The following ZNF385B variants were observed in gnomAD, a reference collection of about 807,000 sequenced individuals.
The protein encoded by ZNF385B is zinc finger protein 533.
In ZNF385B, 23 loss-of-function variants were observed where a neutral mutation model predicts 39.2. That is an observed-to-expected ratio of 0.59 (90% CI 0.42 to 0.83). The LOEUF (loss-of-function observed/expected upper bound fraction) is 0.83. Ranked by LOEUF, ZNF385B falls within the 40% of genes least tolerant of loss-of-function variation. The pLI, the probability that ZNF385B is intolerant of heterozygous loss-of-function variation, is 0.00. For missense variants in ZNF385B, 552 were observed against 598.9 expected (o/e 0.92, Z 0.82); for synonymous variants, 205 against 222.6 (o/e 0.92, Z 0.70).
chr2:179,521,353 G>GTTTTTTTTTTTTTT (rs56392185), intron 4 of ZNF385B, among the ~76,000 whole-genome samples: 1,747 of 107,878 alleles, frequency 0.016, 8 homozygotes, highest in Non-Finnish European at 0.02. Flanking sequence ...CACCTGGCCA[G>GTTTTTTTTTTTTTT]TTTTTTTTTT....
chr2:179,650,999 C>T (rs1693146806), intron 3 of ZNF385B, among the ~76,000 whole-genome samples: 1 of 152,082 alleles, frequency 6.6e-6, no homozygotes, highest in African/African-American at 2.4e-5. Context: ...GGAAACAATG[C>T]CTTTTGAGTC....
intron 3 of ZNF385B, among the ~76,000 whole-genome samples, chr2:179,574,929 A>G (rs1685639882): frequency 6.6e-6 from 1 of 152,076 alleles, no homozygotes; most frequent in Non-Finnish European, 1.5e-5. Flanking sequence ...GCCCTCCTCC[A>G]GTCTCTCTAA....
chr2:179,469,899 G>A (rs1052619795), intron 6 of ZNF385B, among the ~76,000 whole-genome samples: 6 of 152,174 alleles, frequency 3.9e-5, no homozygotes, highest in Non-Finnish European at 5.9e-5. Flanking sequence ...TCAGCTGTGG[G>A]TGACTGGATT....
In ZNF385B at chr2:179,592,786, T is replaced by C. The variant is rs76377862; in HGVS notation, c.299-47817A>G. ...GAAGGCCGTATGTCTAAACTGCTCA[T>C]GGAAGGTTTTTGGCAACTCTAATCC... On this transcript the variant is annotated intron_variant, in intron 3 of 9. Transcript: ENST00000410066. Among the ~76,000 whole-genome samples the C allele has an allele frequency of 8.4e-3, 1,282 of 152,266 alleles. 19 individuals are homozygous for C. Among genetic ancestry groups the C allele is most frequent in the African/African-American group, 0.03 (1,233 of 41,558 alleles).
chr2:179,852,284 C>T (rs992700130), intron 1 of ZNF385B, among the ~76,000 whole-genome samples: 4 of 152,192 alleles, frequency 2.6e-5, no homozygotes, highest in Admixed American at 6.5e-5. Flanking sequence ...AAAAAGCAGC[C>T]TGCAGACTTG....
intron 3 of ZNF385B, among the ~76,000 whole-genome samples, chr2:179,666,325 T>C (rs920304206): frequency 2.6e-4 from 39 of 152,214 alleles, no homozygotes; most frequent in African/African-American, 9.4e-4. Context: ...GAGAGGCATA[T>C]GGCAATAGCT....
At chr2:179,690,693 A>C (rs957032601) in intron 3 of ZNF385B, among the ~76,000 whole-genome samples, 2 of 152,194 alleles carry the variant, frequency 1.3e-5, no homozygotes, top group African/African-American at 2.4e-5. Flanking sequence ...TTACTATGTC[A>C]AGTCACTTCA....
At chr2:179,857,765 T>G (rs1484400107) in intron 1 of ZNF385B, among the ~76,000 whole-genome samples, 2 of 152,198 alleles carry the variant, frequency 1.3e-5, no homozygotes, top group African/African-American at 2.4e-5. Context: ...AAATGTATCA[T>G]GGAGCCAATA....
chr2:179,590,193 A>G (rs1318069254), intron 3 of ZNF385B, among the ~76,000 whole-genome samples: 1 of 152,208 alleles, frequency 6.6e-6, no homozygotes, highest in African/African-American at 2.4e-5. Flanking sequence ...AAGAGAGGGC[A>G]CATACCCTGG....
intron 1 of ZNF385B, among the ~76,000 whole-genome samples, chr2:179,842,868 C>T (rs1465386995): frequency 6.6e-6 from 1 of 152,160 alleles, no homozygotes; most frequent in African/African-American, 2.4e-5. Context: ...GGGAAACATG[C>T]TTGGATTTGC....
At chr2:179,814,483 C>A in intron 1 of ZNF385B, 1 of 561,494 alleles carries the variant, frequency 1.8e-6, no homozygotes, top group Non-Finnish European at 3.3e-6. Flanking sequence ...TTATATGATC[C>A]ATGCACTATC....
intron 3 of ZNF385B, chr2:179,562,676 C>T: frequency 1.2e-6 from 1 of 805,546 alleles, no homozygotes; most frequent in South Asian, 5.7e-5. Context: ...AAAAGACTGA[C>T]AAGTGGCTTT....
At chr2:179,780,981 G>GTC in intron 1 of ZNF385B, among the ~76,000 whole-genome samples, 2 of 152,242 alleles carry the variant, frequency 1.3e-5, no homozygotes, top group South Asian at 4.1e-4. Flanking sequence ...ATTAAACTGG[G>GTC]ACTGCCCCAG....
intron 1 of ZNF385B, among the ~76,000 whole-genome samples, chr2:179,857,329 A>C (rs1334120816): frequency 6.6e-6 from 1 of 152,216 alleles, no homozygotes; most frequent in African/African-American, 2.4e-5. Flanking sequence ...CAGTGCCCTT[A>C]GGGGAGAATG....
At chr2:179,746,657 C>T (rs571566966) in intron 3 of ZNF385B, among the ~76,000 whole-genome samples, 1 of 152,200 alleles carries the variant, frequency 6.6e-6, no homozygotes, top group African/African-American at 2.4e-5. Context: ...TTTAAAAAAT[C>T]TATAGTTCAT....
At chr2:179,697,875 G>A (rs1184038647) in intron 3 of ZNF385B, among the ~76,000 whole-genome samples, 1 of 152,200 alleles carries the variant, frequency 6.6e-6, no homozygotes, top group Non-Finnish European at 1.5e-5. Context: ...AAAAGGATGA[G>A]TTCATGTCCT....
In ZNF385B at chr2:179,593,540, T is replaced by C. The variant is rs141270508; in HGVS notation, c.299-48571A>G. 1.8e-3 allele frequency among the ~76,000 whole-genome samples: 277 copies of C among 152,272 alleles called. 1 individual carries two copies. The highest frequency in any genetic ancestry group is 6.3e-3 in the African/African-American group (262 of 41,568). On this transcript the variant is annotated intron_variant, in intron 3 of 9. Coordinates refer to ENST00000410066, the MANE Select transcript of ZNF385B (RefSeq NM_152520.6). ...TGCTGAGTAGTTCAATTTTCATGCG[T>C]AGAACAATTACTTAAATGCTTTAAA...
intron 1 of ZNF385B, among the ~76,000 whole-genome samples, chr2:179,780,679 C>T (rs1425413805): frequency 1.3e-5 from 2 of 152,172 alleles, no homozygotes; most frequent in Non-Finnish European, 2.9e-5. Context: ...TTATTCCAAA[C>T]ATCACAATAG....
intron 3 of ZNF385B, among the ~76,000 whole-genome samples, chr2:179,705,411 A>G (rs1219409276): frequency 6.6e-6 from 1 of 152,160 alleles, no homozygotes; most frequent in African/African-American, 2.4e-5. Flanking sequence ...TGTTGGGTTC[A>G]CCATCTTTCT....
Sources: gnomAD v4.1 joint callset for allele counts (sites outside exome capture counted in the v4.1 genomes callset) on GRCh38, gnomAD v4.1.1 for gene constraint, MANE v1.5 for transcripts, NCBI Gene and HGNC (gene_info 2026-07-23, HGNC 2026-07-21) for gene names.